The following GRB2 variants were observed in gnomAD, a reference collection of about 807,000 sequenced individuals.
GRB2 encodes the protein growth factor receptor bound protein 2.
A neutral mutation model predicts 27.4 loss-of-function variants in GRB2; 2 were observed. The ratio of observed to expected loss-of-function variants is 0.07; its 90% CI spans 0.03 to 0.23. The LOEUF (loss-of-function observed/expected upper bound fraction) is 0.23, where lower values mean the gene tolerates loss of function less well. Among genes scored for constraint, GRB2 ranks in the 10% least tolerant of loss-of-function variants. The pLI, the probability that GRB2 is intolerant of heterozygous loss-of-function variation, is 1.00. For missense variants in GRB2, 102 were observed against 282.4 expected, an observed-to-expected ratio of 0.36 and a Z score of 4.58; for synonymous variants, 94 against 99.6, an observed-to-expected ratio of 0.94 and a Z score of 0.33.
At chr17:75,375,751 C>T (rs2078888467) in intron 2 of GRB2, among the ~76,000 whole-genome samples, 1 of 152,096 alleles carries the variant, frequency 6.6e-6, no homozygotes, top group Non-Finnish European at 1.5e-5. Context: ...ACTGGCCGGG[C>T]GCAGTGGCTC....
At chr17:75,321,905 A>C in intron 4 of GRB2, 78 bp from the exon 5 acceptor site, 1 of 1,371,296 alleles carries the variant, frequency 7.3e-7, no homozygotes, top group Admixed American at 1.9e-5. Flanking sequence ...TATAGGAGCT[A>C]TCTCGAGAGA....
In GRB2 at chr17:75,393,691, C is replaced by A; in HGVS notation, c.-63G>T. The A allele has an allele frequency of 7.6e-7, 1 of 1,322,352 alleles. No homozygotes were observed. The highest frequency in any genetic ancestry group is 1.1e-6 in the Non-Finnish European group (1 of 916,664). 81.9% of individuals were successfully genotyped at this position (1,322,352 alleles called of 1,614,324 possible). A position where few individuals can be genotyped will look rare whatever the true frequency, so the allele number is the denominator to read the frequency against. ...GGGAAGGGAGTCTTCCCTGCTGAAG[C>A]AACCCAGCGCTCTGGGCTTAGCCTC... On this transcript the variant is annotated 5_prime_UTR_variant, in exon 2 of 6. Coordinates refer to ENST00000316804, the MANE Select transcript of GRB2 (RefSeq NM_002086.5).
Position 75,399,655 on chromosome 17 carries a change from C to T in GRB2, c.-138+5834G>A, listed in dbSNP as rs570916258. On this transcript the variant is annotated intron_variant, in intron 1 of 5. Transcript: ENST00000316804. Reference sequence around the variant, plus strand: ...TGCTGGGATTACAGGCCGTGAGCCACCGCGCCCGACCAACAATTATTTATT... The same window carrying T: ...TGCTGGGATTACAGGCCGTGAGCCATCGCGCCCGACCAACAATTATTTATT... Among the ~76,000 whole-genome samples, 59 of 149,182 alleles carry T rather than the reference C, an allele frequency of 4.0e-4. 1 individual carries two copies. Among genetic ancestry groups the T allele is most frequent in the Middle Eastern group, 3.4e-3 (1 of 292 alleles).
intron 2 of GRB2, among the ~76,000 whole-genome samples, chr17:75,350,566 A>C (rs1275825311): frequency 6.6e-6 from 1 of 152,110 alleles, no homozygotes; most frequent in Non-Finnish European, 1.5e-5. Context: ...ATCTCGGCTC[A>C]CTGCAAGCTC....
chr17:75,372,218 T>C (rs1382600156), intron 2 of GRB2: 1 of 152,178 alleles, frequency 6.6e-6, no homozygotes, highest in African/African-American at 2.4e-5. Flanking sequence ...AAGAGAACTC[T>C]TATTTCCACT....
chr17:75,353,588 C>T (rs1451368618), intron 2 of GRB2, among the ~76,000 whole-genome samples: 2 of 152,006 alleles, frequency 1.3e-5, no homozygotes, highest in African/African-American at 4.8e-5. Flanking sequence ...GGTGAAACCC[C>T]GCCTCTACTA....
intron 2 of GRB2, among the ~76,000 whole-genome samples, chr17:75,382,081 G>A (rs919357485): frequency 6.6e-6 from 1 of 151,892 alleles, no homozygotes; most frequent in African/African-American, 2.4e-5. Context: ...AAATAAGCTG[G>A]GCGTGGAGGC....
chr17:75,397,069 C>T (rs868630426), intron 1 of GRB2, among the ~76,000 whole-genome samples: 1 of 152,098 alleles, frequency 6.6e-6, no homozygotes, highest in Non-Finnish European at 1.5e-5. Flanking sequence ...TCTTGAAAGT[C>T]GTGTTTTGAG....
chr17:75,403,535 T>A (rs2079077661), intron 1 of GRB2, among the ~76,000 whole-genome samples: 3 of 151,738 alleles, frequency 2.0e-5, no homozygotes, highest in Admixed American at 6.6e-5. Context: ...AAGGCTGAGA[T>A]GGGCAGATCA....
At chr17:75,324,653 G>A (rs966247077) in intron 4 of GRB2, among the ~76,000 whole-genome samples, 1 of 151,530 alleles carries the variant, frequency 6.6e-6, no homozygotes. Context: ...AAGTAGCTGG[G>A]ACTACAGGTG....
At chr17:75,332,923 C>T (rs565385384) in intron 2 of GRB2, 126 bp from the exon 3 acceptor site, 12 of 574,376 alleles carry the variant, frequency 2.1e-5, no homozygotes, top group East Asian at 6.2e-5. Flanking sequence ...ATCAGTTATA[C>T]GGATATAAGA....
At chr17:75,380,149 G>A (rs1012323984) in intron 2 of GRB2, among the ~76,000 whole-genome samples, 1 of 152,156 alleles carries the variant, frequency 6.6e-6, no homozygotes, top group African/African-American at 2.4e-5. Flanking sequence ...GGAAGATGAT[G>A]TACTGCCTAC....
chr17:75,335,684 C>G (rs2078572376), intron 2 of GRB2, among the ~76,000 whole-genome samples: 1 of 152,108 alleles, frequency 6.6e-6, no homozygotes, highest in Admixed American at 6.6e-5. Flanking sequence ...CCTGAAAGAG[C>G]TAATAAATAT....
chr17:75,381,878 C>T (rs1300611293), intron 2 of GRB2, among the ~76,000 whole-genome samples: 2 of 151,998 alleles, frequency 1.3e-5, no homozygotes, highest in Non-Finnish European at 2.9e-5. Context: ...TATAACTAAA[C>T]TAAAAGCTCT....
intron 2 of GRB2, among the ~76,000 whole-genome samples, chr17:75,366,365 T>A (rs2145851569): frequency 6.6e-6 from 1 of 152,170 alleles, no homozygotes; most frequent in Admixed American, 6.5e-5. Context: ...AAAAGGCAAG[T>A]TATATACAGT....
chr17:75,359,978 TAAAAAA>T (rs143403187), intron 2 of GRB2, among the ~76,000 whole-genome samples: 4 of 142,930 alleles, frequency 2.8e-5, no homozygotes, highest in African/African-American at 1.0e-4. Context: ...CTTTCTGTCT[TAAAAAA>T]AAAAAAAAAA....
At chr17:75,350,638 C>A (rs1253218775) in intron 2 of GRB2, among the ~76,000 whole-genome samples, 1 of 152,190 alleles carries the variant, frequency 6.6e-6, no homozygotes, top group East Asian at 1.9e-4. Context: ...ACTACAGGCA[C>A]CCGTCACCAC....
At chr17:75,354,266 G>T (rs1246074913) in intron 2 of GRB2, among the ~76,000 whole-genome samples, 7 of 99,118 alleles carry the variant, frequency 7.1e-5, no homozygotes, top group African/African-American at 2.2e-4. Flanking sequence ...TTTTTTTTTG[G>T]GGGGGGGGGG....
At chr17:75,404,943 C>T (rs2079089126) in intron 1 of GRB2, 1 of 141,166 alleles carries the variant, frequency 7.1e-6, no homozygotes, top group African/African-American at 2.4e-5. Flanking sequence ...TTTTTCTTGA[C>T]AAATATTTTT....
Sources: gnomAD v4.1 joint callset for allele counts (sites outside exome capture counted in the v4.1 genomes callset) on GRCh38, gnomAD v4.1.1 for gene constraint, MANE v1.5 for transcripts, NCBI Gene and HGNC (gene_info 2026-07-23, HGNC 2026-07-21) for gene names.